Variants in ABCA9 observed in about 807,000 individuals in gnomAD.
ABCA9 encodes the protein ATP-binding cassette sub-family A member 9.
A neutral mutation model predicts 205.3 loss-of-function variants in ABCA9; 183 were observed. The observed-to-expected ratio is 0.89, with a 90% CI of 0.79 to 1.01. The LOEUF (loss-of-function observed/expected upper bound fraction) is 1.01. Among genes scored for constraint, ABCA9 ranks in the 50% least tolerant of loss-of-function variants. The pLI, the probability that ABCA9 is intolerant of heterozygous loss-of-function variation, is 0.00. For missense variants in ABCA9, 1,805 were observed against 1,912.4 expected, an observed-to-expected ratio of 0.94 and a Z score of 1.05; for synonymous variants, 651 against 683.3, an observed-to-expected ratio of 0.95 and a Z score of 0.74.
chr17:69,021,994 T>C, intron 17 of ABCA9, 133 bp from the exon 18 acceptor site: 1 of 645,108 alleles, frequency 1.6e-6, no homozygotes, highest in Non-Finnish European at 2.3e-6. Flanking sequence ...ATGATCTCAT[T>C]TCTAAAATGA....
At chr17:69,014,920 G>T (rs1318416682) in intron 22 of ABCA9, among the ~76,000 whole-genome samples, 2 of 152,090 alleles carry the variant, frequency 1.3e-5, no homozygotes, top group African/African-American at 4.8e-5. Context: ...CTACAGAAGG[G>T]TCTGGGGCCA....
chr17:69,028,764 TC>T, intron 11 of ABCA9, 119 bp from the exon 12 acceptor site: 3 of 504,160 alleles, frequency 6.0e-6, no homozygotes, highest in Non-Finnish European at 1.0e-5. Flanking sequence ...AAAATAAAAT[TC>T]ATCTTAAAAT....
At chr17:69,012,362 G>C (rs1482773431) in intron 22 of ABCA9, 1 of 291,922 alleles carries the variant, frequency 3.4e-6, no homozygotes, top group Non-Finnish European at 6.3e-6. Context: ...AGGTAGGCAT[G>C]AAACGTCTTT....
At chr17:69,026,846 G>A in intron 15 of ABCA9, 130 bp downstream of exon 15, 2 of 1,141,932 alleles carry the variant, frequency 1.8e-6, no homozygotes, top group East Asian at 2.5e-5. Context: ...ACCCACAAAT[G>A]AGTAAGAGCA....
At chr17:69,046,425 G>A (rs1207257667) in intron 3 of ABCA9, among the ~76,000 whole-genome samples, 1 of 152,118 alleles carries the variant, frequency 6.6e-6, no homozygotes, top group African/African-American at 2.4e-5. Context: ...GTGTTGATGT[G>A]TTGTTTTATG....
At chr17:69,030,514 G>C (rs926727168) in intron 10 of ABCA9, among the ~76,000 whole-genome samples, 1 of 152,064 alleles carries the variant, frequency 6.6e-6, no homozygotes, top group Non-Finnish European at 1.5e-5. Context: ...AATTTTGAGG[G>C]GATATAATTC....
Position 69,008,050 on chromosome 17 carries a change from G to T in ABCA9, c.3321+12C>A. The stretch of plus-strand genomic sequence containing the variant: ...AGTCTAATAAAACCATTTCAAAATT[G>T]CTGCCACTTACTTGAATTAACAGGT... On this transcript the variant is annotated intron_variant, in intron 24 of 38. Transcript: ENST00000340001. 6.3e-7 allele frequency: 1 copy of T among 1,590,584 alleles called. No individual in the cohort carries two copies. Among genetic ancestry groups the T allele is most frequent in the Non-Finnish European group, 8.6e-7 (1 of 1,164,390 alleles).
the ABCA9 span, among the ~76,000 whole-genome samples, chr17:69,077,510 C>T: frequency 6.6e-6 from 1 of 152,214 alleles, no homozygotes; most frequent in African/African-American, 2.4e-5. Context: ...CTATAGATGC[C>T]TGTTAGGTCC....
At chr17:69,057,528 T>C (rs1454590907) in intron 1 of ABCA9, among the ~76,000 whole-genome samples, 1 of 140,534 alleles carries the variant, frequency 7.1e-6, no homozygotes, top group Non-Finnish European at 1.5e-5. Context: ...GAAGTCTTTA[T>C]AGGCTTTAGG....
chr17:69,045,068 G>T, intron 4 of ABCA9, 104 bp downstream of exon 4: 1 of 842,760 alleles, frequency 1.2e-6, no homozygotes, highest in Non-Finnish European at 1.8e-6. Context: ...GCTCTATGTT[G>T]TGGTTGTATA....
At chr17:69,070,622 C>G in the ABCA9 span, among the ~76,000 whole-genome samples, 1 of 152,196 alleles carries the variant, frequency 6.6e-6, no homozygotes. Flanking sequence ...CCTTGGGTGC[C>G]TACACCACCA....
At chr17:69,075,851 A>T in the ABCA9 span, among the ~76,000 whole-genome samples, 17 of 152,070 alleles carry the variant, frequency 1.1e-4, no homozygotes, top group Non-Finnish European at 2.2e-4. Context: ...ATATTATTTC[A>T]ATCCATAAGC....
intron 19 of ABCA9, among the ~76,000 whole-genome samples, chr17:69,019,598 G>C (rs748106918): frequency 6.6e-6 from 1 of 152,054 alleles, no homozygotes; most frequent in African/African-American, 2.4e-5. Flanking sequence ...CACCCTCAAG[G>C]GTGGACTGTC....
chr17:69,069,340 T>C, the ABCA9 span, among the ~76,000 whole-genome samples: 1 of 152,166 alleles, frequency 6.6e-6, no homozygotes. Flanking sequence ...AGGTTGAGTG[T>C]GGCCTGCAGC....
At chr17:69,044,421 A>C in intron 5 of ABCA9, 76 bp downstream of exon 5, 8 of 1,241,960 alleles carry the variant, frequency 6.4e-6, no homozygotes, top group Non-Finnish European at 9.3e-6. Flanking sequence ...AAATGATAGA[A>C]TAGGATAATC....
At chr17:69,019,050 G>A (rs919407714) in intron 19 of ABCA9, among the ~76,000 whole-genome samples, 2 of 151,926 alleles carry the variant, frequency 1.3e-5, no homozygotes, top group Non-Finnish European at 2.9e-5. Flanking sequence ...TCTCCCTTAA[G>A]TTTATTTTCT....
Position 68,986,277 on chromosome 17 carries a change from C to T in ABCA9, c.4095G>A (p.Gly1365=). The T allele has an allele frequency of 3.7e-6, 6 of 1,613,574 alleles. No homozygotes were observed. Among genetic ancestry groups the T allele is most frequent in the Non-Finnish European group, 5.1e-6 (6 of 1,179,732 alleles). ...SGGGEPLGFL[G]YCPQENALWP... ...ACAGCGCATTCTCCTGAGGGCAGTA[C>T]CCCAGGAAGCCCAGGGGTTCCCCTC... is the stretch of plus-strand genomic sequence containing the variant. The change falls in exon 32 of 39, where the codon GGG becomes GGA. Residue 1365 remains glycine (G), a synonymous_variant. Coordinates refer to ENST00000340001, the MANE Select transcript of ABCA9 (RefSeq NM_080283.4).
At chr17:69,056,920 G>A (rs184840012) in intron 1 of ABCA9, among the ~76,000 whole-genome samples, 17 of 152,326 alleles carry the variant, frequency 1.1e-4, no homozygotes, top group East Asian at 9.6e-4. Context: ...ATCCCAAGAG[G>A]TAGGAAGACT....
intron 23 of ABCA9, among the ~76,000 whole-genome samples, chr17:69,009,358 G>T (rs192572629): frequency 7.2e-4 from 110 of 152,240 alleles, no homozygotes; most frequent in African/African-American, 1.9e-3. Flanking sequence ...CTGGGTGACC[G>T]GTCAGAAAGC....
Sources: allele counts gnomAD v4.1 joint callset (sites outside exome capture counted in the v4.1 genomes callset), GRCh38; gene constraint gnomAD v4.1.1; transcripts MANE v1.5; gene names NCBI Gene and HGNC (gene_info 2026-07-23, HGNC 2026-07-21).